Variants in TBC1D32 observed in about 807,000 individuals in gnomAD.
TBC1D32 encodes the protein protein broad-minded.
A neutral mutation model predicts 170.3 loss-of-function variants in TBC1D32; 151 were observed. That is an observed-to-expected ratio of 0.89 (90% CI 0.78 to 1.01). TBC1D32 has a LOEUF of 1.01. TBC1D32 is among the 50% of genes least tolerant of loss of function. The pLI is 0.00. For synonymous variants in TBC1D32, 498 were observed against 488.0 expected (o/e 1.02, Z -0.27); for missense variants, 1,464 against 1,457.1 (o/e 1.00, Z -0.08).
intron 20 of TBC1D32, among the ~76,000 whole-genome samples, chr6:121,229,852 T>C (rs1427442398): frequency 1.3e-5 from 2 of 152,010 alleles, no homozygotes; most frequent in African/African-American, 2.4e-5. Flanking sequence ...TGGTGGGAGC[T>C]GATTGGATCA....
At chr6:121,205,808 A>C (rs1478966872) in intron 21 of TBC1D32, among the ~76,000 whole-genome samples, 1 of 152,194 alleles carries the variant, frequency 6.6e-6, no homozygotes, top group African/African-American at 2.4e-5. Flanking sequence ...TGTGTAGCCA[A>C]GTCTTCAAAA....
intron 26 of TBC1D32, among the ~76,000 whole-genome samples, chr6:121,125,304 A>G (rs1250388490): frequency 6.6e-6 from 1 of 152,160 alleles, no homozygotes; most frequent in African/African-American, 2.4e-5. Flanking sequence ...TTTCCAGCCC[A>G]GAAAGACATG....
chr6:121,172,988 G>T (rs1407052789), intron 22 of TBC1D32, among the ~76,000 whole-genome samples: 1 of 152,054 alleles, frequency 6.6e-6, no homozygotes, highest in Non-Finnish European at 1.5e-5. Flanking sequence ...GACTTGTGAT[G>T]GTTAATATTG....
chr6:121,176,720 T>C (rs1449481196), intron 22 of TBC1D32, among the ~76,000 whole-genome samples: 2 of 151,934 alleles, frequency 1.3e-5, no homozygotes, highest in African/African-American at 2.4e-5. Flanking sequence ...TGCCTCAGCC[T>C]CTGGAGTAGC....
intron 15 of TBC1D32, among the ~76,000 whole-genome samples, chr6:121,262,531 C>A (rs1354661508): frequency 6.6e-6 from 1 of 150,888 alleles, no homozygotes; most frequent in East Asian, 1.9e-4. Flanking sequence ...GGCTGGAATG[C>A]AGTGGCATGA....
At chr6:121,178,890 G>A (rs1706427239) in intron 22 of TBC1D32, among the ~76,000 whole-genome samples, 1 of 152,160 alleles carries the variant, frequency 6.6e-6, no homozygotes, top group Non-Finnish European at 1.5e-5. Context: ...ACCTGTGTGA[G>A]TTAGGAAGCA....
intron 14 of TBC1D32, among the ~76,000 whole-genome samples, chr6:121,279,661 T>C (rs952076845): frequency 1.4e-4 from 22 of 151,974 alleles, no homozygotes; most frequent in African/African-American, 4.6e-4. Context: ...GTCATTCTCT[T>C]ACACACATGT....
At chr6:121,146,237 G>A (rs949443494) in intron 24 of TBC1D32, among the ~76,000 whole-genome samples, 11 of 152,196 alleles carry the variant, frequency 7.2e-5, no homozygotes, top group Non-Finnish European at 1.5e-4. Flanking sequence ...AAAATCTACA[G>A]TGTTGGCCAG....
At chr6:121,307,850 GA>G in intron 5 of TBC1D32, 125 bp downstream of exon 5, 1 of 1,084,484 alleles carries the variant, frequency 9.2e-7, no homozygotes. Context: ...CAAAAAGAGT[GA>G]AACTCGGTCT....
intron 22 of TBC1D32, among the ~76,000 whole-genome samples, chr6:121,186,070 T>C (rs1307025121): frequency 6.6e-6 from 1 of 152,154 alleles, no homozygotes; most frequent in Non-Finnish European, 1.5e-5. Context: ...TCTAACCCTT[T>C]AACTTTGTGA....
At chr6:121,146,274 GA>G (rs1183144794) in intron 24 of TBC1D32, among the ~76,000 whole-genome samples, 1 of 152,050 alleles carries the variant, frequency 6.6e-6, no homozygotes, top group African/African-American at 2.4e-5. Flanking sequence ...AAATAAGGGA[GA>G]AAAGAAAAAG....
chr6:121,206,984 A>G (rs1055060926), intron 21 of TBC1D32, among the ~76,000 whole-genome samples: 3 of 152,196 alleles, frequency 2.0e-5, no homozygotes, highest in African/African-American at 4.8e-5. Flanking sequence ...TTGCTCCAGC[A>G]TCTGAATACT....
intron 1 of TBC1D32, among the ~76,000 whole-genome samples, chr6:121,326,733 T>G (rs568897137): frequency 1.3e-5 from 2 of 152,072 alleles, no homozygotes; most frequent in South Asian, 4.1e-4. Context: ...AATCTTGTCT[T>G]AAGAGGTTAC....
At chr6:121,272,123 C>T (rs1382204076) in intron 15 of TBC1D32, among the ~76,000 whole-genome samples, 2 of 152,134 alleles carry the variant, frequency 1.3e-5, no homozygotes, top group Non-Finnish European at 2.9e-5. Flanking sequence ...GGATTAAAGA[C>T]TTAAATGTTA....
chr6:121,205,074 C>A lies in TBC1D32; in HGVS notation c.2570+1G>T. ...ATCAAAAGTAAAATGTAGCATTTTA[C>A]CTTAGACCAAAGATATGTGATTGTT... On this transcript the variant is annotated splice_donor_variant, in intron 22 of 31. Coordinates refer to ENST00000398212, the MANE Select transcript of TBC1D32 (RefSeq NM_152730.6). LOFTEE classifies it high-confidence loss of function. 6.7e-7 allele frequency: 1 copy of A among 1,491,042 alleles called. No homozygotes were observed. The allele number at this position is 1,491,042 out of a possible 1,614,324, so 92.4% of individuals were successfully genotyped here. A position where few individuals can be genotyped will look rare whatever the true frequency, so the allele number is the denominator to read the frequency against.
intron 22 of TBC1D32, among the ~76,000 whole-genome samples, chr6:121,193,675 T>G (rs1033657832): frequency 2.3e-4 from 35 of 152,250 alleles, no homozygotes; most frequent in African/African-American, 8.0e-4. Flanking sequence ...ACAGTCTGAC[T>G]CATGTAGAGC....
At chr6:121,173,864 A>G (rs1200579742) in intron 22 of TBC1D32, among the ~76,000 whole-genome samples, 1 of 152,090 alleles carries the variant, frequency 6.6e-6, no homozygotes, top group Non-Finnish European at 1.5e-5. Context: ...AGCTGCTGTG[A>G]AAAAGCTCAC....
intron 30 of TBC1D32, among the ~76,000 whole-genome samples, chr6:121,094,770 C>T (rs573000123): frequency 6.6e-6 from 1 of 152,092 alleles, no homozygotes; most frequent in Non-Finnish European, 1.5e-5. Flanking sequence ...AGATAAACCA[C>T]AATTTATTCA....
intron 24 of TBC1D32, among the ~76,000 whole-genome samples, chr6:121,140,354 G>T (rs987834765): frequency 6.6e-6 from 1 of 150,858 alleles, no homozygotes; most frequent in East Asian, 1.9e-4. Context: ...AGATACTATA[G>T]AGGGATATTT....
Sources: allele counts gnomAD v4.1 joint callset (sites outside exome capture counted in the v4.1 genomes callset), GRCh38; gene constraint gnomAD v4.1.1; transcripts MANE v1.5; gene names NCBI Gene and HGNC (gene_info 2026-07-23, HGNC 2026-07-21).